SNRPD3: variants seen among roughly 807,000 people sequenced by gnomAD.
SNRPD3 encodes small nuclear ribonucleoprotein Sm D3.
For synonymous variants in SNRPD3, 66 were observed against 58.4 expected (o/e 1.13, Z -0.59); for missense variants, 73 against 167.5 (o/e 0.44, Z 3.11).
chr22:24,571,510 G>T (rs1354985111), intron 3 of SNRPD3, among the ~76,000 whole-genome samples: 3 of 152,088 alleles, frequency 2.0e-5, no homozygotes, highest in African/African-American at 7.2e-5. Flanking sequence ...AGGCCGAGGT[G>T]GGTGGATCAC....
intron 2 of SNRPD3, among the ~76,000 whole-genome samples, chr22:24,561,948 G>T (rs2045147774): frequency 6.6e-6 from 1 of 152,200 alleles, no homozygotes; most frequent in Non-Finnish European, 1.5e-5. Context: ...GCTGCAGTGA[G>T]CTATGGAGTG....
At chr22:24,564,966 C>G (rs543474711) in intron 2 of SNRPD3, among the ~76,000 whole-genome samples, 1 of 151,088 alleles carries the variant, frequency 6.6e-6, no homozygotes, top group Admixed American at 6.6e-5. Context: ...TCACTGCAGC[C>G]TTGAACTCCT....
chr22:24,561,271 G>A (rs2045141038), intron 2 of SNRPD3, among the ~76,000 whole-genome samples: 1 of 151,354 alleles, frequency 6.6e-6, no homozygotes, highest in African/African-American at 2.4e-5. Context: ...ACGGAGTCTT[G>A]ATATGTTTTT....
In SNRPD3 at chr22:24,557,759, C is replaced by A; in HGVS notation, c.85C>A (p.Arg29=). The part of the protein sequence containing the change: ...TCETNTGEVY[R]GKLIEAEDNM... Reference sequence around the variant, plus strand: ...TGAGACGAACACCGGTGAGGTATATCGGGGGAAGCTCATTGAAGCAGAGGA... The same window carrying A: ...TGAGACGAACACCGGTGAGGTATATAGGGGGAAGCTCATTGAAGCAGAGGA... The change falls in exon 2 of 4, where the codon CGG becomes AGG. Residue 29 remains arginine (R), a synonymous_variant. Coordinates refer to ENST00000215829, the MANE Select transcript of SNRPD3 (RefSeq NM_004175.5). The A allele has an allele frequency of 6.2e-7, 1 of 1,610,738 alleles. No homozygotes were observed. Among genetic ancestry groups the A allele is most frequent in the Non-Finnish European group, 8.5e-7 (1 of 1,178,694 alleles).
intron 2 of SNRPD3, among the ~76,000 whole-genome samples, chr22:24,561,593 C>T (rs747136857): frequency 1.4e-4 from 22 of 152,210 alleles, no homozygotes; most frequent in Non-Finnish European, 1.8e-4. Flanking sequence ...GTTTGTTCAG[C>T]ACATCTCAGG....
At chr22:24,561,509 A>C (rs1359596540) in intron 2 of SNRPD3, among the ~76,000 whole-genome samples, 1 of 152,202 alleles carries the variant, frequency 6.6e-6, no homozygotes, top group Non-Finnish European at 1.5e-5. Flanking sequence ...ATCAAAACCT[A>C]GGCACATTGA....
chr22:24,571,787 C>T (rs932504228), intron 3 of SNRPD3, 129 bp from the exon 4 acceptor site: 3 of 798,596 alleles, frequency 3.8e-6, no homozygotes, highest in Non-Finnish European at 6.2e-6. Context: ...AATGCAATGG[C>T]CAGGGTGGTG....
intron 1 of SNRPD3, 44 bp downstream of exon 1, chr22:24,556,115 G>A: frequency 1.8e-6 from 1 of 547,556 alleles, no homozygotes; most frequent in Non-Finnish European, 3.3e-6. Flanking sequence ...CGCCTGTGAG[G>A]GGCCAGGGGC....
rs368627433 is a variant in SNRPD3, at chr22:24,573,625, A to C, written c.*1648A>C. 1.4e-4 allele frequency among the ~76,000 whole-genome samples: 22 copies of C among 152,288 alleles called. No homozygotes were observed. Among genetic ancestry groups the C allele is most frequent in the Middle Eastern group, 6.8e-3 (2 of 294 alleles). ...CATGGTGCCCCACGCCTATAATGCC[A>C]GCACTTTGGGAGGTCGAGGCGGGAG... On this transcript the variant is annotated 3_prime_UTR_variant, in exon 4 of 4. Coordinates refer to ENST00000215829, the MANE Select transcript of SNRPD3 (RefSeq NM_004175.5).
At chr22:24,557,870 GT>G (rs2045094573) in intron 2 of SNRPD3, 70 bp downstream of exon 2, 2 of 1,460,040 alleles carry the variant, frequency 1.4e-6, no homozygotes, top group South Asian at 2.6e-5. Flanking sequence ...AAAAGTGTGT[GT>G]TGAGGGTCTC....
At position 24,572,211 on chromosome 22, in the gene SNRPD3, C is replaced by T. The variant is rs1293865637; in HGVS notation, c.*234C>T. On this transcript the variant is annotated 3_prime_UTR_variant, in exon 4 of 4. Transcript: ENST00000215829. Reference sequence around the variant, plus strand: ...TTTGCTTTGGCTAAATTTTGACACCCTGGGGGATGTCCTGGGAGAATGCCA... The same window carrying T: ...TTTGCTTTGGCTAAATTTTGACACCTTGGGGGATGTCCTGGGAGAATGCCA... The T allele has an allele frequency of 1.4e-6, 1 of 717,234 alleles. No homozygotes were observed. Among genetic ancestry groups the T allele is most frequent in the Non-Finnish European group, 2.4e-6 (1 of 421,542 alleles). 44.4% of individuals were successfully genotyped at this position (717,234 alleles called of 1,614,324 possible).
rs143198017 is a variant in SNRPD3, at chr22:24,559,338, A to G, written c.126+1538A>G. On this transcript the variant is annotated intron_variant, in intron 2 of 3. Transcript: ENST00000215829. ...TTATCTATTGAGGGTAGATAAGTTTATCATCTCTCATATATCCAGTCCTCT... is the reference window on the plus strand; with the variant it reads ...TTATCTATTGAGGGTAGATAAGTTTGTCATCTCTCATATATCCAGTCCTCT... 7.2e-5 allele frequency among the ~76,000 whole-genome samples: 11 copies of G among 152,270 alleles called. No homozygotes were observed. In the East Asian group the frequency reaches 2.1e-3, roughly 29 times the overall value.
At chr22:24,559,849 T>C (rs2045115748) in intron 2 of SNRPD3, among the ~76,000 whole-genome samples, 1 of 152,040 alleles carries the variant, frequency 6.6e-6, no homozygotes, top group African/African-American at 2.4e-5. Context: ...TATTTTCTCA[T>C]AGTTCTGAAG....
intron 2 of SNRPD3, among the ~76,000 whole-genome samples, chr22:24,561,099 CTTTGGTCTGTTGACCAGGCTGG>C (rs2147121280): frequency 1.3e-5 from 1 of 78,036 alleles, no homozygotes; most frequent in African/African-American, 5.8e-5. Flanking sequence ...TGAGATTAAG[CTTTGGTCTGTTGACCAGGCTGG>C]GGTGCAGTGG....
At position 24,561,064 on chromosome 22, in the gene SNRPD3, C is replaced by CTTTTTTTTTTTTTTTT. The variant is rs1164120857; in HGVS notation, c.126+3274_126+3289dup. On this transcript the variant is annotated intron_variant, in intron 2 of 3. Transcript: ENST00000215829. ...TTTTTTTTCTTTTCCTTTTTCTTTT[C>CTTTTTTTTTTTTTTTT]TTTTTTTTTTTTTTTTTTTTTTTTT... Among the ~76,000 whole-genome samples the CTTTTTTTTTTTTTTTT allele has an allele frequency of 1.1e-3, 67 of 61,674 alleles. 2 individuals are homozygous for CTTTTTTTTTTTTTTTT. Among genetic ancestry groups the CTTTTTTTTTTTTTTTT allele is most frequent in the African/African-American group, 4.1e-3 (53 of 13,064 alleles). The allele number at this position is 61,674 out of a possible 152,430, so 40.5% of individuals were successfully genotyped here.
At position 24,574,191 on chromosome 22, in the gene SNRPD3, C is replaced by T. The variant is rs980821517; in HGVS notation, c.*2214C>T. Reference sequence around the variant, plus strand: ...TGAACTGCATCCTCGATATCAAAAGCGACTTTTGATGTAGTTCACTCTGGA... The same window carrying T: ...TGAACTGCATCCTCGATATCAAAAGTGACTTTTGATGTAGTTCACTCTGGA... On this transcript the variant is annotated 3_prime_UTR_variant, in exon 4 of 4. Transcript: ENST00000215829. 3.3e-5 allele frequency among the ~76,000 whole-genome samples: 5 copies of T among 152,214 alleles called. No homozygotes were observed. Among genetic ancestry groups the T allele is most frequent in the Non-Finnish European group, 5.9e-5 (4 of 68,014 alleles).
At chr22:24,562,004 C>T (rs2045148272) in intron 2 of SNRPD3, among the ~76,000 whole-genome samples, 2 of 150,872 alleles carry the variant, frequency 1.3e-5, no homozygotes, top group Non-Finnish European at 3.0e-5. Flanking sequence ...TAGTCTCACA[C>T]ACACACAAAA....
At chr22:24,565,050 A>G (rs2045184293) in intron 2 of SNRPD3, among the ~76,000 whole-genome samples, 1 of 151,686 alleles carries the variant, frequency 6.6e-6, no homozygotes, top group Admixed American at 6.6e-5. Context: ...CACCTGGCTA[A>G]TTGTTAAAAA....
chr22:24,560,119 C>CCTTGCTCTGTCCCCCAGGCTGCAGT (rs2045119478), intron 2 of SNRPD3, among the ~76,000 whole-genome samples: 7 of 100,266 alleles, frequency 7.0e-5, no homozygotes, highest in Non-Finnish European at 1.3e-4. Context: ...TGAGATGGAG[C>CCTTGCTCTGTCCCCCAGGCTGCAGT]CTTGCTCTGT....
Sources: allele counts gnomAD v4.1 joint callset (sites outside exome capture counted in the v4.1 genomes callset), GRCh38; gene constraint gnomAD v4.1.1; transcripts MANE v1.5; gene names NCBI Gene and HGNC (gene_info 2026-07-23, HGNC 2026-07-21).